Variants in LRRC4C observed in about 807,000 individuals in gnomAD.
The protein encoded by LRRC4C is leucine-rich repeat-containing protein 4C.
A neutral mutation model predicts 33.6 loss-of-function variants in LRRC4C; 5 were observed. The ratio of observed to expected loss-of-function variants is 0.15; its 90% CI spans 0.08 to 0.31. The LOEUF (loss-of-function observed/expected upper bound fraction) is 0.31, where lower values mean the gene tolerates loss of function less well. Among genes scored for constraint, LRRC4C ranks in the 10% least tolerant of loss-of-function variants. The pLI, the probability that LRRC4C is intolerant of heterozygous loss-of-function variation, is 1.00. For missense variants in LRRC4C, 560 were observed against 796.7 expected, an observed-to-expected ratio of 0.70 and a Z score of 3.58; for synonymous variants, 329 against 302.0, an observed-to-expected ratio of 1.09 and a Z score of -0.93.
At chr11:40,137,081 A>G (rs1012435032) in intron 6 of LRRC4C, among the ~76,000 whole-genome samples, 2 of 152,174 alleles carry the variant, frequency 1.3e-5, no homozygotes, top group African/African-American at 4.8e-5. Flanking sequence ...TATCTCCAAT[A>G]TGAGCTCTTT....
At chr11:41,010,778 C>T (rs1855114710) in intron 1 of LRRC4C, among the ~76,000 whole-genome samples, 1 of 152,130 alleles carries the variant, frequency 6.6e-6, no homozygotes, top group South Asian at 2.1e-4. Flanking sequence ...TTGCTATCAG[C>T]ACATGGCTAT....
At chr11:40,590,840 G>A (rs1959014186) in intron 3 of LRRC4C, among the ~76,000 whole-genome samples, 1 of 152,278 alleles carries the variant, frequency 6.6e-6, no homozygotes, top group East Asian at 1.9e-4. Flanking sequence ...CCCATTCTCA[G>A]ATCTCCAGCT....
chr11:40,616,443 A>G (rs1419563228), intron 3 of LRRC4C, among the ~76,000 whole-genome samples: 1 of 151,830 alleles, frequency 6.6e-6, no homozygotes, highest in Non-Finnish European at 1.5e-5. Flanking sequence ...TCATGCTGCT[A>G]TAAAGACACA....
At chr11:41,064,228 G>GAC (rs1419048527) in intron 1 of LRRC4C, among the ~76,000 whole-genome samples, 1 of 152,134 alleles carries the variant, frequency 6.6e-6, no homozygotes, top group Non-Finnish European at 1.5e-5. Context: ...AGTATTGAAT[G>GAC]ACAACACTAG....
At chr11:41,152,435 C>G (rs887185602) in intron 1 of LRRC4C, among the ~76,000 whole-genome samples, 1 of 152,150 alleles carries the variant, frequency 6.6e-6, no homozygotes, top group Non-Finnish European at 1.5e-5. Flanking sequence ...TCTCTGAAGT[C>G]CCTGATAGCC....
At chr11:40,562,419 T>C (rs936473700) in intron 3 of LRRC4C, among the ~76,000 whole-genome samples, 2 of 152,158 alleles carry the variant, frequency 1.3e-5, no homozygotes, top group Non-Finnish European at 2.9e-5. Context: ...AATAATTCTT[T>C]AAAAAACTGA....
intron 1 of LRRC4C, among the ~76,000 whole-genome samples, chr11:41,065,231 C>T (rs1938140721): frequency 1.3e-5 from 2 of 152,072 alleles, no homozygotes; most frequent in African/African-American, 4.8e-5. Context: ...GGGAGACCGC[C>T]ATTACTGTGG....
At chr11:40,447,380 G>A (rs999346267) in intron 3 of LRRC4C, among the ~76,000 whole-genome samples, 1 of 152,134 alleles carries the variant, frequency 6.6e-6, no homozygotes, top group Non-Finnish European at 1.5e-5. Context: ...TAGAAATCAA[G>A]GGGTCCAGAA....
At chr11:41,092,404 C>G (rs1227152669) in intron 1 of LRRC4C, among the ~76,000 whole-genome samples, 1 of 152,138 alleles carries the variant, frequency 6.6e-6, no homozygotes, top group African/African-American at 2.4e-5. Context: ...ATCACTGTTA[C>G]CCCTGACAGG....
intron 3 of LRRC4C, among the ~76,000 whole-genome samples, chr11:40,393,036 A>G (rs967878202): frequency 5.9e-5 from 9 of 152,140 alleles, no homozygotes; most frequent in Non-Finnish European, 1.2e-4. Flanking sequence ...TAAAGGGCTG[A>G]AACAGCAGAG....
chr11:41,194,981 T>C (rs1011209473), intron 1 of LRRC4C, among the ~76,000 whole-genome samples: 3 of 152,072 alleles, frequency 2.0e-5, no homozygotes, highest in Non-Finnish European at 4.4e-5. Context: ...ATTTCTAATT[T>C]TGCAGAGCCC....
At position 40,115,246 on chromosome 11, in the gene LRRC4C, G is replaced by A. The variant is rs1855340428; in HGVS notation, c.1047C>T (p.Phe349=). The change falls in exon 7 of 7, where the codon TTC becomes TTT. Residue 349 remains phenylalanine, a synonymous_variant. Coordinates refer to ENST00000528697, the MANE Select transcript of LRRC4C (RefSeq NM_001258419.2). The surrounding 1 kb of genome is among the most constrained non-coding windows in gnomAD (Gnocchi z 6.7). ...RYIGELDQNY[F]TCYAPVIVEP... ...CCACAATCACCGGAGCATAGCATGT[G>A]AAGTAATTCTGGTCGAGCTCTCCAA... 6.2e-7 allele frequency: 1 copy of A among 1,614,086 alleles called. No homozygotes were observed. The highest frequency in any genetic ancestry group is 1.3e-5 in the African/African-American group (1 of 74,932).
intron 2 of LRRC4C, among the ~76,000 whole-genome samples, chr11:40,687,944 C>A (rs1206330501): frequency 6.6e-6 from 1 of 151,714 alleles, no homozygotes; most frequent in Non-Finnish European, 1.5e-5. Flanking sequence ...ATAATAAATA[C>A]CTGGATAAAC....
At chr11:40,799,703 A>G (rs1288050561) in intron 2 of LRRC4C, among the ~76,000 whole-genome samples, 2 of 152,176 alleles carry the variant, frequency 1.3e-5, no homozygotes, top group East Asian at 3.9e-4. Flanking sequence ...TTCCTGCCTC[A>G]AGTGATTCAC....
At chr11:40,953,846 A>T (rs191363011) in intron 1 of LRRC4C, among the ~76,000 whole-genome samples, 1 of 151,894 alleles carries the variant, frequency 6.6e-6, no homozygotes. Context: ...TTAATAATTT[A>T]AAAACACTTT....
intron 2 of LRRC4C, among the ~76,000 whole-genome samples, chr11:40,681,366 T>C (rs1252716051): frequency 1.3e-5 from 2 of 152,208 alleles, no homozygotes; most frequent in Non-Finnish European, 1.5e-5. Flanking sequence ...CAATACACAA[T>C]ACACTTCTAT....
intron 3 of LRRC4C, among the ~76,000 whole-genome samples, chr11:40,613,979 C>G (rs1449371085): frequency 1.3e-5 from 2 of 151,802 alleles, no homozygotes; most frequent in Non-Finnish European, 2.9e-5. Context: ...ATTTTGTTGT[C>G]TCATGTGTAG....
chr11:41,416,104 CA>C (rs1954669109), intron 1 of LRRC4C, among the ~76,000 whole-genome samples: 1 of 151,946 alleles, frequency 6.6e-6, no homozygotes, highest in Non-Finnish European at 1.5e-5. Flanking sequence ...TACCATTTTT[CA>C]GAGAGTCATA....
intron 1 of LRRC4C, among the ~76,000 whole-genome samples, chr11:41,233,890 A>G (rs566166309): frequency 6.6e-6 from 1 of 152,042 alleles, no homozygotes; most frequent in African/African-American, 2.4e-5. Flanking sequence ...TCTTAGATTA[A>G]GGGGGCAGGA....
Sources: gnomAD v4.1 joint callset for allele counts (sites outside exome capture counted in the v4.1 genomes callset) on GRCh38, gnomAD v4.1.1 for gene constraint, Gnocchi (gnomAD v3.1) non-coding constraint, MANE v1.5 for transcripts, NCBI Gene and HGNC (gene_info 2026-07-23, HGNC 2026-07-21) for gene names.